FCHO2: variants seen among roughly 807,000 people sequenced by gnomAD.
The protein encoded by FCHO2 is FCH and mu domain containing endocytic adaptor 2.
Under a neutral mutation model 114.1 loss-of-function variants are expected in FCHO2, and 43 were observed. The observed-to-expected ratio is 0.38, with a 90% confidence interval of 0.30 to 0.49. FCHO2 has a LOEUF of 0.49. FCHO2 is among the 20% of genes least tolerant of loss of function. The probability of loss-of-function intolerance (pLI) is 0.97; values close to 1 mark genes in which losing one functional copy is unlikely to be tolerated. For missense variants in FCHO2, 807 were observed against 950.4 expected (o/e 0.85, Z 1.98); for synonymous variants, 293 against 315.2 (o/e 0.93, Z 0.75).
chr5:73,019,253 A>C (rs1755477627), intron 8 of FCHO2, among the ~76,000 whole-genome samples: 1 of 152,188 alleles, frequency 6.6e-6, no homozygotes, highest in South Asian at 2.1e-4. Context: ...AAAATTCATA[A>C]AGAATTTTGT....
At chr5:73,029,602 T>C (rs1756122087) in intron 8 of FCHO2, among the ~76,000 whole-genome samples, 1 of 152,170 alleles carries the variant, frequency 6.6e-6, no homozygotes, top group African/African-American at 2.4e-5. Context: ...AGAAAAGATA[T>C]TTAACTTGGC....
chr5:73,051,685 G>T (rs1469166430), intron 12 of FCHO2, among the ~76,000 whole-genome samples: 2 of 151,896 alleles, frequency 1.3e-5, no homozygotes, highest in African/African-American at 4.8e-5. Flanking sequence ...TTCTGCCTCA[G>T]TCCCCCAAGT....
intron 1 of FCHO2, among the ~76,000 whole-genome samples, chr5:72,964,743 T>C (rs1752096257): frequency 6.6e-6 from 1 of 152,190 alleles, no homozygotes; most frequent in Non-Finnish European, 1.5e-5. Flanking sequence ...TGCCAGTAGC[T>C]CTGCAGAGTA....
At chr5:72,960,540 ATAT>A (rs1369937501) in intron 1 of FCHO2, among the ~76,000 whole-genome samples, 2 of 152,182 alleles carry the variant, frequency 1.3e-5, no homozygotes, top group African/African-American at 4.8e-5. Flanking sequence ...CTTTAAAAAG[ATAT>A]TATAAAAGAT....
chr5:73,042,295 C>T (rs574030452), intron 11 of FCHO2, among the ~76,000 whole-genome samples: 6 of 152,168 alleles, frequency 3.9e-5, no homozygotes. Flanking sequence ...CCTTGGTTAA[C>T]TAATTAATGA....
chr5:72,997,677 G>T (rs1754197771), intron 5 of FCHO2: 1 of 1,548,824 alleles, frequency 6.5e-7, no homozygotes, highest in Admixed American at 1.7e-5. Flanking sequence ...AGTTGGGGTT[G>T]GGGGAAAGGG....
At chr5:73,068,835 TA>T in intron 19 of FCHO2, 56 bp downstream of exon 19, 3 of 1,512,510 alleles carry the variant, frequency 2.0e-6, no homozygotes, top group Non-Finnish European at 2.7e-6. Flanking sequence ...ATATGTATGC[TA>T]AATATGTATA....
chr5:73,073,777 A>G (rs566014554), intron 19 of FCHO2, among the ~76,000 whole-genome samples: 1 of 152,224 alleles, frequency 6.6e-6, no homozygotes, highest in Non-Finnish European at 1.5e-5. Flanking sequence ...AAAATGTCTG[A>G]TGGCTGTTAA....
At chr5:72,969,939 G>A (rs1482284195) in intron 2 of FCHO2, among the ~76,000 whole-genome samples, 2 of 152,024 alleles carry the variant, frequency 1.3e-5, no homozygotes, top group African/African-American at 4.8e-5. Flanking sequence ...TTGTCACTTG[G>A]TAGGCCCTCA....
At chr5:73,041,741 T>TTAGAAATAA (rs1407390995) in intron 11 of FCHO2, among the ~76,000 whole-genome samples, 14 of 152,080 alleles carry the variant, frequency 9.2e-5, no homozygotes, top group Non-Finnish European at 1.9e-4. Context: ...AGAACCATGG[T>TTAGAAATAA]CAGTACTTTT....
chr5:73,041,348 A>G (rs1393006220), intron 11 of FCHO2, 33 bp downstream of exon 11: 9 of 1,364,270 alleles, frequency 6.6e-6, no homozygotes, highest in Non-Finnish European at 2.1e-6. Flanking sequence ...TAAACAATTT[A>G]AATTAGTTAT....
At chr5:73,049,069 G>T in intron 11 of FCHO2, among the ~76,000 whole-genome samples, 1 of 151,116 alleles carries the variant, frequency 6.6e-6, no homozygotes, top group Non-Finnish European at 1.5e-5. Flanking sequence ...GTAGAGACGG[G>T]GTTTCACCGT....
chr5:73,085,785 T>C (rs1392746826), intron 24 of FCHO2, among the ~76,000 whole-genome samples: 128 of 8,748 alleles, frequency 0.015, no homozygotes, highest in African/African-American at 0.021. Context: ...AAAAAATAAA[T>C]AAATAAATAA....
intron 17 of FCHO2, 68 bp from the exon 18 acceptor site, chr5:73,063,773 A>G (rs1220100584): frequency 7.2e-7 from 1 of 1,386,500 alleles, no homozygotes; most frequent in Non-Finnish European, 1.0e-6. Context: ...TTTATAATAG[A>G]ATGTCTTTAT....
intron 5 of FCHO2, among the ~76,000 whole-genome samples, chr5:73,000,634 G>A (rs1231629429): frequency 6.6e-6 from 1 of 151,816 alleles, no homozygotes; most frequent in African/African-American, 2.4e-5. Flanking sequence ...AATTAGCCAG[G>A]CGTGGTGGTA....
intron 3 of FCHO2, among the ~76,000 whole-genome samples, chr5:72,990,231 G>A (rs1001224205): frequency 2.6e-5 from 4 of 151,714 alleles, no homozygotes; most frequent in African/African-American, 9.7e-5. Flanking sequence ...TAATTAAGAG[G>A]GTTAAGACTT....
At chr5:73,001,804 T>C (rs1272496233) in intron 5 of FCHO2, among the ~76,000 whole-genome samples, 3 of 151,672 alleles carry the variant, frequency 2.0e-5, no homozygotes, top group Admixed American at 6.6e-5. Context: ...CCAGGCGTAG[T>C]GGCATGTGCC....
chr5:73,041,222 A>G, intron 10 of FCHO2, 69 bp from the exon 11 acceptor site: 1 of 1,007,032 alleles, frequency 9.9e-7, no homozygotes, highest in Non-Finnish European at 1.5e-6. Flanking sequence ...ACCAAAGTAA[A>G]TACTTTAAAC....
At chr5:72,985,080 C>T (rs886300916) in intron 2 of FCHO2, among the ~76,000 whole-genome samples, 2 of 152,090 alleles carry the variant, frequency 1.3e-5, no homozygotes, top group African/African-American at 4.8e-5. Context: ...ATTGCATATG[C>T]ATAGTTTATT....
Sources: allele counts gnomAD v4.1 joint callset (sites outside exome capture counted in the v4.1 genomes callset), GRCh38; gene constraint gnomAD v4.1.1; transcripts MANE v1.5; gene names NCBI Gene and HGNC (gene_info 2026-07-23, HGNC 2026-07-21).